Variants in RNF144B observed in about 807,000 individuals in gnomAD.
RNF144B encodes the protein ring finger protein 144B.
RNF144B carries 25 observed loss-of-function variants against 40.2 expected under a neutral mutation model. The observed-to-expected ratio is 0.62, with a 90% CI of 0.45 to 0.87. RNF144B has a LOEUF of 0.87. Ranked by LOEUF, RNF144B falls within the 40% of genes least tolerant of loss-of-function variation. The pLI is 0.00. For synonymous variants in RNF144B, 145 were observed against 136.3 expected (o/e 1.06, Z -0.44); for missense variants, 365 against 373.7 (o/e 0.98, Z 0.19).
rs532994279 is a variant in RNF144B at position 18,460,349 on chromosome 6, G to A, written c.681+598G>A. 1.4e-4 allele frequency among the ~76,000 whole-genome samples: 22 copies of A among 152,208 alleles called. No homozygotes were observed. In the South Asian group the frequency reaches 4.6e-3, roughly 32 times the overall value. ...AGCTGGGAAAGGTTCTCTGCCTGAA[G>A]GACCAATGTGATGAGATTGGGCCCA... On this transcript the variant is annotated intron_variant, in intron 6 of 7. Transcript: ENST00000259939. The surrounding 1 kb of genome is among the most constrained non-coding windows in gnomAD (Gnocchi z 4.4).
At chr6:18,403,519 A>G (rs192008376) in intron 2 of RNF144B, among the ~76,000 whole-genome samples, 1 of 152,350 alleles carries the variant, frequency 6.6e-6, no homozygotes, top group East Asian at 1.9e-4. Context: ...CTAGGTAGTT[A>G]GAACTCCTTT....
In RNF144B at chr6:18,403,565, A is replaced by G. The variant is rs184199282; in HGVS notation, c.165+3866A>G. On this transcript the variant is annotated intron_variant, in intron 2 of 7. Coordinates refer to ENST00000259939, the MANE Select transcript of RNF144B (RefSeq NM_182757.4). ...TTCTTGGAGCCAAATGGATTTTCCAATGTTTAAAAAGTGAGAGGAAATATA... is the reference window on the plus strand; with the variant it reads ...TTCTTGGAGCCAAATGGATTTTCCAGTGTTTAAAAAGTGAGAGGAAATATA... 5.3e-5 allele frequency among the ~76,000 whole-genome samples: 8 copies of G among 152,304 alleles called. No homozygotes were observed. The East Asian group carries it at 7.7e-4, about 15-fold the overall frequency.
chr6:18,429,483 T>C (rs519207), intron 3 of RNF144B, among the ~76,000 whole-genome samples: 2 of 152,074 alleles, frequency 1.3e-5, no homozygotes, highest in African/African-American at 4.8e-5. Flanking sequence ...GGCTGAGTGC[T>C]ACAAGTGAGA....
At chr6:18,461,659 A>G (rs1759458381) in intron 6 of RNF144B, among the ~76,000 whole-genome samples, 1 of 152,220 alleles carries the variant, frequency 6.6e-6, no homozygotes, top group Non-Finnish European at 1.5e-5. Flanking sequence ...CAGACTTCAA[A>G]TATTGAAGCA....
At position 18,405,643 on chromosome 6, in the gene RNF144B, G is replaced by C. The variant is rs1381607183; in HGVS notation, c.165+5944G>C. ...TTTGTATTTATTGGTCAAGTCACAGGTTTACAATGCCGATTTTATTGGCAC... is the reference window on the plus strand; with the variant it reads ...TTTGTATTTATTGGTCAAGTCACAGCTTTACAATGCCGATTTTATTGGCAC... On this transcript the variant is annotated intron_variant, in intron 2 of 7. Coordinates refer to ENST00000259939, the MANE Select transcript of RNF144B (RefSeq NM_182757.4). This position sits in a 1 kb window ranked among gnomAD's most constrained non-coding sequence, Gnocchi z 4.5. Among the ~76,000 whole-genome samples the C allele has an allele frequency of 6.6e-6, 1 of 152,156 alleles. No individual in the cohort carries two copies. Among genetic ancestry groups the C allele is most frequent in the Non-Finnish European group, 1.5e-5 (1 of 68,030 alleles).
chr6:18,387,804 A>T (rs549044170), intron 1 of RNF144B, among the ~76,000 whole-genome samples, 174 bp downstream of exon 1: 1 of 152,362 alleles, frequency 6.6e-6, no homozygotes, highest in African/African-American at 2.4e-5. Flanking sequence ...AACACCTGTT[A>T]ACTTAGAAGA....
At position 18,457,051 on chromosome 6, in the gene RNF144B, A is replaced by G. The variant is rs1358806521; in HGVS notation, c.332-104A>G. Reference sequence around the variant, plus strand: ...ACTCCAGCCTGGGCGACAGAGTGAGACTCTGGTTCCAAATAAATTAAATAA... The same window carrying G: ...ACTCCAGCCTGGGCGACAGAGTGAGGCTCTGGTTCCAAATAAATTAAATAA... On this transcript the variant is annotated intron_variant, in intron 4 of 7. Coordinates refer to ENST00000259939, the MANE Select transcript of RNF144B (RefSeq NM_182757.4). This position sits in a 1 kb window ranked among gnomAD's most constrained non-coding sequence, Gnocchi z 5.1. 7 of 958,954 alleles carry G rather than the reference A, an allele frequency of 7.3e-6. No individual in the cohort carries two copies. The African/African-American group carries it at 8.0e-5, about 11-fold the overall frequency. The allele number at this position is 958,954 out of a possible 1,614,324, so 59.4% of individuals were successfully genotyped here. A position where few individuals can be genotyped will look rare whatever the true frequency, so the allele number is the denominator to read the frequency against.
chr6:18,433,138 CTT>C (rs1758730725), intron 3 of RNF144B, among the ~76,000 whole-genome samples: 1 of 152,198 alleles, frequency 6.6e-6, no homozygotes, highest in Admixed American at 6.5e-5. Flanking sequence ...CTTGCCATCT[CTT>C]AACATTCTTC....
intron 2 of RNF144B, among the ~76,000 whole-genome samples, chr6:18,417,724 G>C (rs1795172099): frequency 1.3e-5 from 2 of 152,088 alleles, no homozygotes; most frequent in African/African-American, 4.8e-5. Context: ...AAAAGAAAAA[G>C]CAGATAAATT....
rs1794743687 is a variant in RNF144B, at chr6:18,398,994, C to T, written c.-36-505C>T. ...AGGTATAATTGACAAATTACATTTG[C>T]AGTATACAATGTGATGTTTTGCTCT... On this transcript the variant is annotated intron_variant, in intron 1 of 7. Transcript: ENST00000259939. This position sits in a 1 kb window ranked among gnomAD's most constrained non-coding sequence, Gnocchi z 5.0. 6.6e-6 allele frequency among the ~76,000 whole-genome samples: 1 copy of T among 152,126 alleles called. No homozygotes were observed. Among genetic ancestry groups the T allele is most frequent in the South Asian group, 2.1e-4 (1 of 4,822 alleles).
In RNF144B at chr6:18,465,317, A is replaced by G; in HGVS notation, c.*250A>G. ...GGAGCTTTGGGGTTCCTTGAGATGA[A>G]TGAACATATCATTTTATCATCCAAA... On this transcript the variant is annotated 3_prime_UTR_variant, in exon 8 of 8. Transcript: ENST00000259939. The G allele has an allele frequency of 5.9e-6, 3 of 511,084 alleles. No homozygotes were observed. The highest frequency in any genetic ancestry group is 3.0e-5 in the South Asian group (1 of 33,594). The allele number at this position is 511,084 out of a possible 1,614,324, so 31.7% of individuals were successfully genotyped here. A position where few individuals can be genotyped will look rare whatever the true frequency, so the allele number is the denominator to read the frequency against.
intron 3 of RNF144B, among the ~76,000 whole-genome samples, chr6:18,438,348 T>C (rs964867618): frequency 6.6e-6 from 1 of 152,164 alleles, no homozygotes; most frequent in Non-Finnish European, 1.5e-5. Context: ...AAAATACATA[T>C]AACATGATAT....
intron 4 of RNF144B, among the ~76,000 whole-genome samples, chr6:18,455,893 T>G (rs532590040): frequency 1.0e-3 from 159 of 151,556 alleles, no homozygotes; most frequent in South Asian, 4.2e-3. Flanking sequence ...CATGTGGGGG[T>G]TTTTTTTGTT....
chr6:18,393,158 T>C (rs755209538), intron 1 of RNF144B, among the ~76,000 whole-genome samples: 8 of 152,190 alleles, frequency 5.3e-5, no homozygotes, highest in Non-Finnish European at 1.2e-4. Context: ...ATATACAGTT[T>C]ATTTAAGTAA....
In RNF144B at chr6:18,405,883, CAT is replaced by C. The variant is rs1327226324; in HGVS notation, c.165+6186_165+6187del. Reference sequence around the variant, plus strand: ...AGAGGAAAGAACAGCAGAAGAAAACCATACTATTAAGGCCCTAATGTCTTTGT... The same window carrying C: ...AGAGGAAAGAACAGCAGAAGAAAACCACTATTAAGGCCCTAATGTCTTTGT... On this transcript the variant is annotated intron_variant, in intron 2 of 7. Coordinates refer to ENST00000259939, the MANE Select transcript of RNF144B (RefSeq NM_182757.4). The surrounding 1 kb of genome is among the most constrained non-coding windows in gnomAD (Gnocchi z 4.5). Among the ~76,000 whole-genome samples the C allele has an allele frequency of 2.0e-5, 3 of 152,270 alleles. No individual in the cohort carries two copies. In the East Asian group the frequency reaches 5.8e-4, roughly 29 times the overall value.
At position 18,456,835 on chromosome 6, in the gene RNF144B, G is replaced by A. The variant is rs1266813967; in HGVS notation, c.332-320G>A. On this transcript the variant is annotated intron_variant, in intron 4 of 7. Transcript: ENST00000259939. The surrounding 1 kb of genome is among the most constrained non-coding windows in gnomAD (Gnocchi z 4.7). ...CCCAGCACTTTGGGAGGCCAAGGTA[G>A]GCAGATCACCTGGGGTCAGGAATTC... is the stretch of plus-strand genomic sequence containing the variant. 6.6e-6 allele frequency among the ~76,000 whole-genome samples: 1 copy of A among 152,200 alleles called. No individual in the cohort carries two copies. The highest frequency in any genetic ancestry group is 1.5e-5 in the Non-Finnish European group (1 of 68,034).
At chr6:18,388,296 C>G (rs1463386949) in intron 1 of RNF144B, among the ~76,000 whole-genome samples, 1 of 152,134 alleles carries the variant, frequency 6.6e-6, no homozygotes, top group Non-Finnish European at 1.5e-5. Context: ...AACATTAGCT[C>G]TGAGGTTCTT....
chr6:18,421,260 A>G (rs1269515937), intron 2 of RNF144B, among the ~76,000 whole-genome samples: 2 of 146,408 alleles, frequency 1.4e-5, no homozygotes, highest in African/African-American at 5.2e-5. Flanking sequence ...TCAAAAAAAA[A>G]AATTATATAT....
chr6:18,461,184 G>A (rs1362513614), intron 6 of RNF144B, among the ~76,000 whole-genome samples: 1 of 152,184 alleles, frequency 6.6e-6, no homozygotes, highest in Non-Finnish European at 1.5e-5. Flanking sequence ...AGTGATTTAA[G>A]AAGAGGTATA....
Sources: allele counts gnomAD v4.1 joint callset (sites outside exome capture counted in the v4.1 genomes callset), GRCh38; gene constraint gnomAD v4.1.1; non-coding constraint Gnocchi (gnomAD v3.1); transcripts MANE v1.5; gene names NCBI Gene and HGNC (gene_info 2026-07-23, HGNC 2026-07-21).